The following POLE2 variants were observed in gnomAD, a reference collection of about 807,000 sequenced individuals.
POLE2 encodes DNA polymerase epsilon subunit 2.
POLE2 carries 56 observed loss-of-function variants against 79.4 expected under a neutral mutation model. The ratio of observed to expected loss-of-function variants is 0.71; its 90% CI spans 0.57 to 0.88. POLE2 has a LOEUF of 0.88. Among genes scored for constraint, POLE2 ranks in the 40% least tolerant of loss-of-function variants. POLE2 has a pLI of 0.00. For synonymous variants in POLE2, 212 were observed against 214.0 expected (o/e 0.99, Z 0.08); for missense variants, 598 against 638.9 (o/e 0.94, Z 0.69).
chr14:49,653,377 G>A (rs1191743060), intron 15 of POLE2, among the ~76,000 whole-genome samples: 1 of 152,180 alleles, frequency 6.6e-6, no homozygotes, highest in Non-Finnish European at 1.5e-5. Context: ...AATACGAACA[G>A]TAAATAAGTA....
chr14:49,658,784 C>T (rs1201103959), intron 10 of POLE2, among the ~76,000 whole-genome samples: 1 of 152,192 alleles, frequency 6.6e-6, no homozygotes, highest in East Asian at 1.9e-4. Context: ...GAAAGTACAG[C>T]ACATATAATA....
At chr14:49,653,004 T>C (rs1232413469) in intron 15 of POLE2, among the ~76,000 whole-genome samples, 1 of 151,988 alleles carries the variant, frequency 6.6e-6, no homozygotes, top group Non-Finnish European at 1.5e-5. Flanking sequence ...TGAAAAAACA[T>C]GTGAGAGAAA....
chr14:49,676,487 A>G (rs1345620755), intron 3 of POLE2, among the ~76,000 whole-genome samples: 1 of 152,230 alleles, frequency 6.6e-6, no homozygotes, highest in Non-Finnish European at 1.5e-5. Context: ...TGAGAACAAG[A>G]GCCTCTACTG....
rs1347126607 is a variant in POLE2, at chr14:49,669,524, C to G, written c.492G>C (p.Gln164His). The change falls in exon 6 of 19, where the codon CAG becomes CAC. Residue 164 changes from glutamine (Q) to histidine (H), a missense_variant and splice_region_variant. Physicochemically the swap from Gln to His is conservative, Grantham distance 24 (BLOSUM62 0). Coordinates refer to ENST00000216367, the MANE Select transcript of POLE2 (RefSeq NM_002692.4). ...SHPDESGSKF[Q>H]LKTIETLLGS... ...TACATAACTAGGATAATGTTCTAAC[C>G]TGGAATTTGCTTCCGCTTTCATCAG... 2 of 1,525,424 alleles carry G rather than the reference C, an allele frequency of 1.3e-6. No individual in the cohort carries two copies. The allele number at this position is 1,525,424 out of a possible 1,614,324, so 94.5% of individuals were successfully genotyped here. A position where few individuals can be genotyped will look rare whatever the true frequency, so the allele number is the denominator to read the frequency against.
At chr14:49,683,056 G>C (rs1444158251) in intron 2 of POLE2, among the ~76,000 whole-genome samples, 1 of 151,280 alleles carries the variant, frequency 6.6e-6, no homozygotes, top group African/African-American at 2.4e-5. Flanking sequence ...AGGGCCCTTG[G>C]GGATCATCCT....
At chr14:49,669,867 G>A (rs1351578703) in intron 5 of POLE2, among the ~76,000 whole-genome samples, 1 of 152,128 alleles carries the variant, frequency 6.6e-6, no homozygotes, top group Non-Finnish European at 1.5e-5. Flanking sequence ...ACAACCAAGT[G>A]TCACCCTGAG....
intron 2 of POLE2, among the ~76,000 whole-genome samples, chr14:49,683,119 A>G (rs1287372379): frequency 1.3e-5 from 2 of 152,038 alleles, no homozygotes; most frequent in Non-Finnish European, 2.9e-5. Flanking sequence ...AAAATAAAAA[A>G]GGCCGGGTGT....
intron 17 of POLE2, among the ~76,000 whole-genome samples, chr14:49,647,992 TAAAC>T (rs1883909233): frequency 6.6e-6 from 1 of 152,130 alleles, no homozygotes; most frequent in East Asian, 1.9e-4. Flanking sequence ...GTGTAAAAAA[TAAAC>T]AGACTGTGTA....
chr14:49,683,434 A>C (rs2079177853), intron 2 of POLE2, among the ~76,000 whole-genome samples, 159 bp downstream of exon 2: 1 of 151,014 alleles, frequency 6.6e-6, no homozygotes, highest in Admixed American at 6.6e-5. Context: ...AAAATAAACT[A>C]AAGGTATTAC....
chr14:49,680,777 G>A (rs1886644603), intron 2 of POLE2, among the ~76,000 whole-genome samples: 3 of 149,798 alleles, frequency 2.0e-5, no homozygotes, highest in Non-Finnish European at 4.4e-5. Flanking sequence ...TTTTTGAGAC[G>A]GAGTCTCGCT....
intron 18 of POLE2, among the ~76,000 whole-genome samples, chr14:49,644,803 G>C (rs569519167): frequency 6.6e-6 from 1 of 152,152 alleles, no homozygotes; most frequent in South Asian, 2.1e-4. Context: ...CACTTTGGGA[G>C]GCCAAGACCG....
chr14:49,662,185 CAGT>C (rs1489687365), intron 10 of POLE2, among the ~76,000 whole-genome samples: 5 of 152,202 alleles, frequency 3.3e-5, no homozygotes, highest in African/African-American at 4.8e-5. Context: ...ACCTTTCCCT[CAGT>C]TACTTCAACA....
rs1165560442 is a variant in POLE2 at position 49,683,588 on chromosome 14, C to T, written c.169+5G>A. ...ATTTAGGAGTTATCAGAAAATATTA[C>T]TTACAGGGTTGCTTCTCAACTGCAT... On this transcript the variant is annotated splice_donor_5th_base_variant and intron_variant, in intron 2 of 18. Transcript: ENST00000216367. 7.5e-7 allele frequency: 1 copy of T among 1,339,040 alleles called. No homozygotes were observed. Among genetic ancestry groups the T allele is most frequent in the African/African-American group, 1.4e-5 (1 of 69,510 alleles). 82.9% of individuals were successfully genotyped at this position (1,339,040 alleles called of 1,614,324 possible). A position where few individuals can be genotyped will look rare whatever the true frequency, so the allele number is the denominator to read the frequency against.
intron 5 of POLE2, among the ~76,000 whole-genome samples, chr14:49,671,525 G>A (rs182142534): frequency 2.0e-5 from 3 of 151,020 alleles, no homozygotes; most frequent in Admixed American, 1.3e-4. Flanking sequence ...GCTGAGGCAG[G>A]AGAATCGCTT....
At chr14:49,686,924 C>A (rs922375505) in intron 1 of POLE2, among the ~76,000 whole-genome samples, 1 of 152,078 alleles carries the variant, frequency 6.6e-6, no homozygotes, top group African/African-American at 2.4e-5. Flanking sequence ...TCTACACACA[C>A]AAAAGCAATA....
intron 13 of POLE2, chr14:49,654,492 A>C (rs1884505940): frequency 6.6e-6 from 3 of 456,796 alleles, no homozygotes; most frequent in Non-Finnish European, 1.1e-5. Context: ...ACTTAGATTT[A>C]AAGAGACATG....
In POLE2 at chr14:49,669,510, G is replaced by A. The variant is rs1885719857; in HGVS notation, c.492+14C>T. ...ACACTTATACCCCCTACATAACTAGGATAATGTTCTAACCTGGAATTTGCT... is the reference window on the plus strand; with the variant it reads ...ACACTTATACCCCCTACATAACTAGAATAATGTTCTAACCTGGAATTTGCT... On this transcript the variant is annotated intron_variant, in intron 6 of 18. Coordinates refer to ENST00000216367, the MANE Select transcript of POLE2 (RefSeq NM_002692.4). 9 of 1,367,538 alleles carry A rather than the reference G, an allele frequency of 6.6e-6. No homozygotes were observed. The highest frequency in any genetic ancestry group is 1.7e-5 in the Admixed American group (1 of 58,820). The allele number at this position is 1,367,538 out of a possible 1,614,324, so 84.7% of individuals were successfully genotyped here. A position where few individuals can be genotyped will look rare whatever the true frequency, so the allele number is the denominator to read the frequency against.
At chr14:49,664,474 T>C (rs1885332565) in intron 9 of POLE2, 152 bp downstream of exon 9, 1 of 592,660 alleles carries the variant, frequency 1.7e-6, no homozygotes, top group Admixed American at 3.0e-5. Flanking sequence ...AGATTTCTAT[T>C]AGCCCATTAA....
intron 18 of POLE2, among the ~76,000 whole-genome samples, chr14:49,643,948 C>T (rs774073001): frequency 1.4e-5 from 2 of 142,304 alleles, no homozygotes; most frequent in Admixed American, 7.3e-5. Flanking sequence ...GGCGTAATCT[C>T]GGTTCACCGC....
Sources: gnomAD v4.1 joint callset for allele counts (sites outside exome capture counted in the v4.1 genomes callset) on GRCh38, gnomAD v4.1.1 for gene constraint, MANE v1.5 for transcripts, NCBI Gene and HGNC (gene_info 2026-07-23, HGNC 2026-07-21) for gene names.